RPTOR: variants seen among roughly 807,000 people sequenced by gnomAD.
The protein encoded by RPTOR is regulatory-associated protein of mTOR.
RPTOR carries 21 observed loss-of-function variants against 169.9 expected under a neutral mutation model. The observed-to-expected ratio is 0.12, with a 90% CI of 0.09 to 0.18. The LOEUF (loss-of-function observed/expected upper bound fraction) is 0.18, where lower values mean the gene tolerates loss of function less well. Among genes scored for constraint, RPTOR ranks in the 10% least tolerant of loss-of-function variants. The pLI, the probability that RPTOR is intolerant of heterozygous loss-of-function variation, is 1.00. For missense variants in RPTOR, 1,133 were observed against 1,855.9 expected, an observed-to-expected ratio of 0.61 and a Z score of 7.16; for synonymous variants, 732 against 753.2, an observed-to-expected ratio of 0.97 and a Z score of 0.46.
At chr17:80,883,506 A>C (rs1269441242) in intron 15 of RPTOR, 22 bp downstream of exon 15, 2 of 1,611,446 alleles carry the variant, frequency 1.2e-6, no homozygotes, top group Non-Finnish European at 1.7e-6. Context: ...AGCCACCCCC[A>C]GCCCCAGAGC....
At chr17:80,602,778 C>G in intron 1 of RPTOR, 3 of 714,926 alleles carry the variant, frequency 4.2e-6, no homozygotes, top group Non-Finnish European at 5.2e-6. Context: ...GTCAAATTTC[C>G]GAATCTCTCT....
chr17:80,757,132 A>G (rs961978226), intron 6 of RPTOR, among the ~76,000 whole-genome samples: 1 of 152,182 alleles, frequency 6.6e-6, no homozygotes, highest in Non-Finnish European at 1.5e-5. Context: ...GAGAAGGGAA[A>G]TAGAGGCCCC....
chr17:80,926,895 A>G (rs952984076), intron 24 of RPTOR, among the ~76,000 whole-genome samples: 1 of 152,128 alleles, frequency 6.6e-6, no homozygotes, highest in African/African-American at 2.4e-5. Flanking sequence ...GAGTCGGGGG[A>G]AAAGAATCAA....
At chr17:80,685,574 A>T (rs1483149263) in intron 3 of RPTOR, among the ~76,000 whole-genome samples, 2 of 122,736 alleles carry the variant, frequency 1.6e-5, no homozygotes, top group Non-Finnish European at 3.2e-5. Flanking sequence ...GTGCCTGGCT[A>T]ATATTTTTGT....
intron 13 of RPTOR, among the ~76,000 whole-genome samples, chr17:80,879,645 G>T (rs928374617): frequency 2.0e-5 from 3 of 152,210 alleles, no homozygotes; most frequent in Admixed American, 2.0e-4. Context: ...GGAACTGTGA[G>T]CAGGGCACAA....
intron 2 of RPTOR, among the ~76,000 whole-genome samples, chr17:80,640,958 G>A (rs1028526860): frequency 6.6e-6 from 1 of 152,238 alleles, no homozygotes; most frequent in Non-Finnish European, 1.5e-5. Flanking sequence ...TGAACTCAAC[G>A]CCTTCCAGCC....
At chr17:80,893,373 CACA>C (rs2068354427) in intron 19 of RPTOR, among the ~76,000 whole-genome samples, 1 of 126,658 alleles carries the variant, frequency 7.9e-6, no homozygotes, top group Non-Finnish European at 1.6e-5. Context: ...GGTGTGTGTG[CACA>C]AGGGTGTGTG....
At chr17:80,747,030 C>T (rs1437286826) in intron 5 of RPTOR, among the ~76,000 whole-genome samples, 3 of 152,060 alleles carry the variant, frequency 2.0e-5, no homozygotes, top group Non-Finnish European at 4.4e-5. Context: ...CCAGCCTGGC[C>T]AACACGGTGA....
chr17:80,621,623 C>T lies in RPTOR; in HGVS notation c.163-4068C>T, dbSNP rs899852232. Among the ~76,000 whole-genome samples the T allele has an allele frequency of 5.3e-5, 8 of 152,324 alleles. 1 individual carries two copies. The South Asian group carries it at 6.2e-4, about 12-fold the overall frequency. ...GCCGCCCCTTACTCCCTGGATTCCTCGCTGGGAGGGGAACGCCACCACCTA... is the reference window on the plus strand; with the variant it reads ...GCCGCCCCTTACTCCCTGGATTCCTTGCTGGGAGGGGAACGCCACCACCTA... On this transcript the variant is annotated intron_variant, in intron 1 of 33. Transcript: ENST00000306801.
At chr17:80,791,636 CTTTTGTTCTCTGATTAAGGCTGTGTTT>C in intron 7 of RPTOR, 127 bp downstream of exon 7, 1 of 775,552 alleles carries the variant, frequency 1.3e-6, no homozygotes, top group South Asian at 1.9e-5. Context: ...TGGCTGTGTT[CTTTTGTTCTCTGATTAAGGCTGTGTTT>C]GTGATTGTCA....
At chr17:80,777,935 G>A (rs1367640019) in intron 6 of RPTOR, among the ~76,000 whole-genome samples, 1 of 152,062 alleles carries the variant, frequency 6.6e-6, no homozygotes, top group East Asian at 1.9e-4. Flanking sequence ...AAGAGGGAAG[G>A]AGCTCTTTCC....
In RPTOR at chr17:80,860,790, C is replaced by T. The variant is rs1320092215; in HGVS notation, c.1509+2890C>T. Among the ~76,000 whole-genome samples the T allele has an allele frequency of 4.6e-5, 7 of 152,112 alleles. No homozygotes were observed. The highest frequency in any genetic ancestry group is 6.5e-5 in the Admixed American group (1 of 15,294). On this transcript the variant is annotated intron_variant, in intron 13 of 33. Coordinates refer to ENST00000306801, the MANE Select transcript of RPTOR (RefSeq NM_020761.3). The surrounding 1 kb of genome is among the most constrained non-coding windows in gnomAD (Gnocchi z 5.8). ...CAGAAGCAGCTTCCAGCCCCTCTTC[C>T]GGTTCTGGGATCTCTCACTCTTTTT...
At chr17:80,789,021 G>A (rs1447697102) in intron 6 of RPTOR, among the ~76,000 whole-genome samples, 2 of 152,162 alleles carry the variant, frequency 1.3e-5, no homozygotes, top group Non-Finnish European at 2.9e-5. Context: ...TCCATGCTAC[G>A]CTTATTCATA....
At chr17:80,603,632 A>AAAACCCT (rs2065207600) in intron 1 of RPTOR, among the ~76,000 whole-genome samples, 1 of 152,226 alleles carries the variant, frequency 6.6e-6, no homozygotes, top group Non-Finnish European at 1.5e-5. Context: ...ATAACGAAGC[A>AAAACCCT]AAACCAGCTA....
chr17:80,712,775 A>G (rs1385031739), intron 4 of RPTOR, among the ~76,000 whole-genome samples: 1 of 152,204 alleles, frequency 6.6e-6, no homozygotes, highest in African/African-American at 2.4e-5. Flanking sequence ...GCCGTTTTGC[A>G]TTCCTGCCAG....
chr17:80,853,589 G>A (rs1375797188), intron 11 of RPTOR, among the ~76,000 whole-genome samples: 4 of 152,198 alleles, frequency 2.6e-5, no homozygotes, highest in East Asian at 1.9e-4. Context: ...CTGGGGCATC[G>A]TGGATAGAAA....
At position 80,708,089 on chromosome 17, in the gene RPTOR, T is replaced by C; in HGVS notation, c.507+90T>C. On this transcript the variant is annotated intron_variant, in intron 4 of 33. Coordinates refer to ENST00000306801, the MANE Select transcript of RPTOR (RefSeq NM_020761.3). This position sits in a 1 kb window ranked among gnomAD's most constrained non-coding sequence, Gnocchi z 4.2. ...GCAGGTCCTGCCCATCCGTAGCTTCTGTTAAGCCATTGATGTTTACTGTGT... is the reference window on the plus strand; with the variant it reads ...GCAGGTCCTGCCCATCCGTAGCTTCCGTTAAGCCATTGATGTTTACTGTGT... 7.8e-7 allele frequency: 1 copy of C among 1,287,118 alleles called. No homozygotes were observed. The highest frequency in any genetic ancestry group is 1.1e-6 in the Non-Finnish European group (1 of 933,578). The allele number at this position is 1,287,118 out of a possible 1,614,324, so 79.7% of individuals were successfully genotyped here. A position where few individuals can be genotyped will look rare whatever the true frequency, so the allele number is the denominator to read the frequency against.
At chr17:80,701,867 A>T (rs1328152500) in intron 3 of RPTOR, among the ~76,000 whole-genome samples, 1 of 152,122 alleles carries the variant, frequency 6.6e-6, no homozygotes, top group Non-Finnish European at 1.5e-5. Flanking sequence ...AGACCCACCA[A>T]GTAGAGCCCC....
chr17:80,853,703 G>A (rs1271432973), intron 11 of RPTOR, among the ~76,000 whole-genome samples: 2 of 152,226 alleles, frequency 1.3e-5, no homozygotes, highest in African/African-American at 4.8e-5. Context: ...GCTTGGCCGG[G>A]CACGGTGGCT....
Sources: allele counts gnomAD v4.1 joint callset (sites outside exome capture counted in the v4.1 genomes callset), GRCh38; gene constraint gnomAD v4.1.1; non-coding constraint Gnocchi (gnomAD v3.1); transcripts MANE v1.5; gene names NCBI Gene and HGNC (gene_info 2026-07-23, HGNC 2026-07-21).